Variants in WDR37 observed in about 807,000 individuals in gnomAD.
WDR37 encodes WD repeat-containing protein 37.
A neutral mutation model predicts 62.9 loss-of-function variants in WDR37; 19 were observed. The observed-to-expected ratio is 0.30, with a 90% confidence interval of 0.21 to 0.44. The LOEUF (loss-of-function observed/expected upper bound fraction) is 0.44, where lower values mean the gene tolerates loss of function less well. WDR37 is among the 20% of genes least tolerant of loss of function. WDR37 has a pLI of 1.00. For synonymous variants in WDR37, 250 were observed against 260.9 expected (o/e 0.96, Z 0.40); for missense variants, 474 against 657.6 (o/e 0.72, Z 3.05).
intron 7 of WDR37, among the ~76,000 whole-genome samples, chr10:1,089,611 A>G (rs1313559646): frequency 6.6e-6 from 1 of 151,626 alleles, no homozygotes; most frequent in Non-Finnish European, 1.5e-5. Flanking sequence ...GCTCACCCAC[A>G]ATTCAACCTT....
intron 1 of WDR37, among the ~76,000 whole-genome samples, chr10:1,068,569 A>G (rs1395043868): frequency 1.3e-5 from 2 of 152,188 alleles, no homozygotes; most frequent in African/African-American, 4.8e-5. Context: ...ACAAATTTTC[A>G]TAAAAGAGTA....
At chr10:1,065,122 CAAAG>C (rs377727428) in intron 1 of WDR37, among the ~76,000 whole-genome samples, 18 of 152,194 alleles carry the variant, frequency 1.2e-4, no homozygotes, top group African/African-American at 4.1e-4. Context: ...GAGGGAAGAA[CAAAG>C]AATGGACAGC....
intron 7 of WDR37, among the ~76,000 whole-genome samples, chr10:1,089,535 C>A (rs774742873): frequency 1.2e-4 from 19 of 152,142 alleles, no homozygotes; most frequent in Non-Finnish European, 2.5e-4. Context: ...TCTTCCTGTT[C>A]TTGTGCCTGG....
In WDR37 at chr10:1,092,566, T is replaced by G. The variant is rs553167238; in HGVS notation, c.605-886T>G. Among the ~76,000 whole-genome samples, 46 of 151,718 alleles carry G rather than the reference T, an allele frequency of 3.0e-4. 1 individual carries two copies. Among genetic ancestry groups the G allele is most frequent in the African/African-American group, 1.1e-3 (44 of 41,412 alleles). On this transcript the variant is annotated intron_variant, in intron 7 of 13. Transcript: ENST00000263150. ...TTTGTATTTTTAGTAGAGACGGGGT[T>G]TCACCATGGTCTCGATCTCCTGACC...
At chr10:1,124,434 G>T in intron 12 of WDR37, 82 bp downstream of exon 12, 1 of 1,577,012 alleles carries the variant, frequency 6.3e-7, no homozygotes, top group Non-Finnish European at 8.7e-7. Flanking sequence ...ATTCATGGAG[G>T]TTTAATTGAT....
intron 11 of WDR37, among the ~76,000 whole-genome samples, chr10:1,114,065 T>C (rs2131677468): frequency 1.4e-5 from 2 of 144,972 alleles, no homozygotes; most frequent in South Asian, 4.7e-4. Flanking sequence ...CAAACAATTC[T>C]TCTGCCTCAG....
At chr10:1,107,659 A>C (rs1209826259) in intron 11 of WDR37, among the ~76,000 whole-genome samples, 1 of 149,644 alleles carries the variant, frequency 6.7e-6, no homozygotes, top group Non-Finnish European at 1.5e-5. Flanking sequence ...CCTCTCTCTG[A>C]AACACACGCC....
rs1378582489 is a variant in WDR37 at position 1,129,729 on chromosome 10, A to C, written c.*385A>C. 5.9e-6 allele frequency: 1 copy of C among 168,964 alleles called. No individual in the cohort carries two copies. The highest frequency in any genetic ancestry group is 1.3e-5 in the Non-Finnish European group (1 of 78,040). 10.5% of individuals were successfully genotyped at this position (168,964 alleles called of 1,614,324 possible). A position where few individuals can be genotyped will look rare whatever the true frequency, so the allele number is the denominator to read the frequency against. ...GTCCTGCGTTCCCTGGAGTAACTGT[A>C]CGTATCTGCCTTTGCTGGGAAGACT... is the stretch of plus-strand genomic sequence containing the variant. On this transcript the variant is annotated 3_prime_UTR_variant, in exon 14 of 14. Coordinates refer to ENST00000263150, the MANE Select transcript of WDR37 (RefSeq NM_014023.4).
chr10:1,099,408 T>C (rs1834715213), intron 9 of WDR37, among the ~76,000 whole-genome samples: 1 of 152,246 alleles, frequency 6.6e-6, no homozygotes, highest in South Asian at 2.1e-4. Context: ...TAATCTAGTT[T>C]TGATATTTTC....
Position 1,093,662 on chromosome 10 carries a change from G to A in WDR37, c.649+166G>A, listed in dbSNP as rs529382073. Among the ~76,000 whole-genome samples the A allele has an allele frequency of 2.0e-5, 3 of 152,326 alleles. No individual in the cohort carries two copies. The South Asian group carries it at 6.2e-4, about 32-fold the overall frequency. ...AAATGGATAAAGGAAAATACATTGA[G>A]CAGTACTTTCTAGAGACAGTAGTGG... On this transcript the variant is annotated intron_variant, in intron 8 of 13. Coordinates refer to ENST00000263150, the MANE Select transcript of WDR37 (RefSeq NM_014023.4).
intron 8 of WDR37, among the ~76,000 whole-genome samples, chr10:1,094,928 G>T (rs534037911): frequency 8.5e-4 from 129 of 152,176 alleles, no homozygotes; most frequent in African/African-American, 3.1e-3. Context: ...AGGAGAGTTA[G>T]ACTTGGAAAC....
intron 13 of WDR37, among the ~76,000 whole-genome samples, chr10:1,126,825 C>G (rs1835802723): frequency 6.6e-6 from 1 of 152,256 alleles, no homozygotes; most frequent in Non-Finnish European, 1.5e-5. Flanking sequence ...CCGGGTGTCT[C>G]TTCAGTCCCC....
chr10:1,126,379 C>A (rs374867074), intron 13 of WDR37, among the ~76,000 whole-genome samples: 2 of 147,288 alleles, frequency 1.4e-5, no homozygotes, highest in African/African-American at 2.6e-5. Flanking sequence ...GCACTCCAGC[C>A]TGGGCGACAG....
chr10:1,072,093 C>CT, intron 1 of WDR37, 23 bp from the exon 2 acceptor site: 1 of 1,577,198 alleles, frequency 6.3e-7, no homozygotes. Context: ...ATCAGAAACA[C>CT]TGTTTTTTCT....
At chr10:1,079,522 T>C (rs746753412) in intron 3 of WDR37, among the ~76,000 whole-genome samples, 2 of 151,544 alleles carry the variant, frequency 1.3e-5, no homozygotes, top group African/African-American at 2.4e-5. Context: ...GAATGGTATC[T>C]CTAATGGTTT....
intron 8 of WDR37, among the ~76,000 whole-genome samples, chr10:1,094,420 C>A (rs1483099185): frequency 1.3e-5 from 2 of 152,132 alleles, no homozygotes; most frequent in African/African-American, 4.8e-5. Context: ...ACAGGTACTT[C>A]CAGTGTGTGG....
intron 7 of WDR37, among the ~76,000 whole-genome samples, chr10:1,088,929 A>T (rs1050566637): frequency 2.5e-4 from 38 of 152,124 alleles, no homozygotes; most frequent in Non-Finnish European, 1.5e-5. Flanking sequence ...ACGCATAGTC[A>T]TTTCTGTTCT....
At chr10:1,057,674 C>T (rs966207411) in intron 1 of WDR37, among the ~76,000 whole-genome samples, 14 of 152,190 alleles carry the variant, frequency 9.2e-5, no homozygotes, top group African/African-American at 3.4e-4. Context: ...ATTTACTAAA[C>T]CAAGTTGAAT....
At chr10:1,087,365 A>G (rs1355202217) in intron 7 of WDR37, among the ~76,000 whole-genome samples, 1 of 152,232 alleles carries the variant, frequency 6.6e-6, no homozygotes, top group African/African-American at 2.4e-5. Flanking sequence ...ACGCTGTTAC[A>G]GGAACGAGTG....
Sources: allele counts gnomAD v4.1 joint callset (sites outside exome capture counted in the v4.1 genomes callset), GRCh38; gene constraint gnomAD v4.1.1; transcripts MANE v1.5; gene names NCBI Gene and HGNC (gene_info 2026-07-23, HGNC 2026-07-21).